The following FARS2 variants were observed in gnomAD, a reference collection of about 807,000 sequenced individuals.
The protein encoded by FARS2 is phenylalanyl-tRNA synthetase 2, mitochondrial.
In FARS2, 40 loss-of-function variants were observed where a neutral mutation model predicts 46.4. That is an observed-to-expected ratio of 0.86 (90% CI 0.67 to 1.12). The LOEUF (loss-of-function observed/expected upper bound fraction) is 1.12. Ranked by LOEUF, FARS2 falls within the 50% of genes most tolerant of loss-of-function variation. The pLI, the probability that FARS2 is intolerant of heterozygous loss-of-function variation, is 0.00. For synonymous variants in FARS2, 234 were observed against 214.9 expected (o/e 1.09, Z -0.78); for missense variants, 513 against 567.9 (o/e 0.90, Z 0.98).
At chr6:5,421,471 A>G (rs1367740963) in intron 3 of FARS2, among the ~76,000 whole-genome samples, 1 of 152,182 alleles carries the variant, frequency 6.6e-6, no homozygotes, top group Non-Finnish European at 1.5e-5. Flanking sequence ...TTCTGCAGCC[A>G]GTTTGAATTT....
chr6:5,409,970 T>C (rs1240052898), intron 3 of FARS2, among the ~76,000 whole-genome samples: 1 of 151,982 alleles, frequency 6.6e-6, no homozygotes, highest in Admixed American at 6.6e-5. Flanking sequence ...TGAAGTGAAG[T>C]GGGAAGGTGA....
chr6:5,385,274 A>G (rs920816946), intron 2 of FARS2, among the ~76,000 whole-genome samples: 2 of 152,312 alleles, frequency 1.3e-5, no homozygotes, highest in African/African-American at 2.4e-5. Context: ...CTGTCTATTC[A>G]TCTTACTAAG....
intron 1 of FARS2, among the ~76,000 whole-genome samples, chr6:5,276,064 C>T (rs1766312171): frequency 6.6e-6 from 1 of 152,134 alleles, no homozygotes; most frequent in Non-Finnish European, 1.5e-5. Context: ...CATTTGGAAA[C>T]CCTATTTTCT....
chr6:5,635,136 G>A (rs1776480884), intron 6 of FARS2, among the ~76,000 whole-genome samples: 1 of 152,186 alleles, frequency 6.6e-6, no homozygotes, highest in Non-Finnish European at 1.5e-5. Flanking sequence ...ACCTTAGAAG[G>A]TTATTTTGCA....
chr6:5,254,644 C>T, the FARS2 span, among the ~76,000 whole-genome samples: 1 of 152,196 alleles, frequency 6.6e-6, no homozygotes. Context: ...GCTTCCTCAA[C>T]ATCTGCTTAT....
chr6:5,302,898 C>T (rs1193893813), intron 1 of FARS2, among the ~76,000 whole-genome samples: 1 of 152,116 alleles, frequency 6.6e-6, no homozygotes, highest in African/African-American at 2.4e-5. Flanking sequence ...GTTCGATGGA[C>T]AGGGTTAGTG....
Position 5,570,576 on chromosome 6 carries a change from T to C in FARS2, c.1065+25236T>C, listed in dbSNP as rs1409802572. 2.6e-5 allele frequency among the ~76,000 whole-genome samples: 4 copies of C among 152,230 alleles called. No individual in the cohort carries two copies. The East Asian group carries it at 7.7e-4, about 29-fold the overall frequency. ...TCACCCAGTTTCCCAATTAGCACCT[T>C]GTTAACTACACACCTGCTGCACAGA... On this transcript the variant is annotated intron_variant, in intron 5 of 6. Transcript: ENST00000274680.
intron 4 of FARS2, among the ~76,000 whole-genome samples, chr6:5,510,116 TTTTG>T (rs957027363): frequency 7.7e-4 from 117 of 152,276 alleles, no homozygotes; most frequent in African/African-American, 2.6e-3. Context: ...TGGAGGGGTT[TTTTG>T]TTTGTTTGTT....
intron 1 of FARS2, among the ~76,000 whole-genome samples, chr6:5,288,134 G>A (rs1767254556): frequency 6.6e-6 from 1 of 152,118 alleles, no homozygotes; most frequent in Non-Finnish European, 1.5e-5. Context: ...GCCAGGACTG[G>A]GTGACAAAGA....
At chr6:5,276,845 G>C (rs924240892) in intron 1 of FARS2, among the ~76,000 whole-genome samples, 1 of 152,186 alleles carries the variant, frequency 6.6e-6, no homozygotes, top group African/African-American at 2.4e-5. Context: ...GGACTTGGCT[G>C]ACCCCAAAGA....
intron 6 of FARS2, among the ~76,000 whole-genome samples, chr6:5,769,893 G>T (rs539689041): frequency 3.3e-5 from 5 of 152,322 alleles, no homozygotes; most frequent in Non-Finnish European, 5.9e-5. Flanking sequence ...CCTGAAAGTG[G>T]AAGGACAAAA....
rs529039884 is a variant in FARS2 at position 5,741,543 on chromosome 6, C to T, written c.1218-29748C>T. ...GCTCACTCCTGTACCTTTGCTTCCACGGGACCACTCCCATGGGGTCTATAA... is the reference window on the plus strand; with the variant it reads ...GCTCACTCCTGTACCTTTGCTTCCATGGGACCACTCCCATGGGGTCTATAA... On this transcript the variant is annotated intron_variant, in intron 6 of 6. Coordinates refer to ENST00000274680, the MANE Select transcript of FARS2 (RefSeq NM_006567.5). Among the ~76,000 whole-genome samples the T allele has an allele frequency of 3.9e-5, 6 of 152,340 alleles. No homozygotes were observed. The South Asian group carries it at 6.2e-4, about 16-fold the overall frequency.
intron 6 of FARS2, among the ~76,000 whole-genome samples, chr6:5,675,323 T>C (rs752036716): frequency 1.2e-4 from 19 of 152,278 alleles, no homozygotes; most frequent in Non-Finnish European, 2.1e-4. Flanking sequence ...TCTTTGTGGC[T>C]CTGTTCAAAG....
intron 1 of FARS2, among the ~76,000 whole-genome samples, chr6:5,334,978 A>G (rs1407970723): frequency 6.6e-6 from 1 of 152,172 alleles, no homozygotes; most frequent in Non-Finnish European, 1.5e-5. Flanking sequence ...AAAGCTTTCT[A>G]TCCATAAATT....
chr6:5,558,189 A>G (rs978944402), intron 5 of FARS2, among the ~76,000 whole-genome samples: 1 of 152,182 alleles, frequency 6.6e-6, no homozygotes, highest in African/African-American at 2.4e-5. Context: ...GTACAAAAGA[A>G]CAAACGCATT....
intron 4 of FARS2, among the ~76,000 whole-genome samples, chr6:5,445,057 CT>C (rs1764105119): frequency 6.6e-6 from 1 of 152,278 alleles, no homozygotes; most frequent in South Asian, 2.1e-4. Flanking sequence ...CCTAGAGTTT[CT>C]TAATAAAACC....
intron 5 of FARS2, among the ~76,000 whole-genome samples, chr6:5,559,809 A>G (rs896450504): frequency 6.6e-6 from 1 of 152,164 alleles, no homozygotes; most frequent in African/African-American, 2.4e-5. Context: ...AGGCCCATGG[A>G]ATGCAATGAG....
At chr6:5,591,607 G>A (rs956090197) in intron 5 of FARS2, among the ~76,000 whole-genome samples, 1 of 152,222 alleles carries the variant, frequency 6.6e-6, no homozygotes, top group African/African-American at 2.4e-5. Flanking sequence ...CATGGCATGT[G>A]GAGCTTGAAG....
intron 1 of FARS2, among the ~76,000 whole-genome samples, chr6:5,273,761 G>A (rs1031661032): frequency 2.0e-5 from 3 of 151,986 alleles, no homozygotes; most frequent in Non-Finnish European, 2.9e-5. Context: ...CAATATCCTG[G>A]GTTGTTTCCC....
Sources: allele counts gnomAD v4.1 joint callset (sites outside exome capture counted in the v4.1 genomes callset), GRCh38; gene constraint gnomAD v4.1.1; transcripts MANE v1.5; gene names NCBI Gene and HGNC (gene_info 2026-07-23, HGNC 2026-07-21).